ATP2C2: variants seen among roughly 807,000 people sequenced by gnomAD.
ATP2C2 encodes the protein calcium-transporting ATPase type 2C member 2.
Under a neutral mutation model 110.8 loss-of-function variants are expected in ATP2C2, and 171 were observed. The ratio of observed to expected loss-of-function variants is 1.54; its 90% CI spans 1.36 to 1.75. The LOEUF is 1.75. ATP2C2 is among the 40% of genes most tolerant of loss of function. The pLI, the probability that ATP2C2 is intolerant of heterozygous loss-of-function variation, is 0.00. For missense variants in ATP2C2, 1,963 were observed against 1,235.0 expected (o/e 1.59, Z -8.84); for synonymous variants, 804 against 508.4 (o/e 1.58, Z -7.82).
In ATP2C2 at chr16:84,376,678, C is replaced by T. The variant is rs543857622; in HGVS notation, c.99+7964C>T. Among the ~76,000 whole-genome samples the T allele has an allele frequency of 1.1e-4, 16 of 152,264 alleles. No individual in the cohort carries two copies. The East Asian group carries it at 1.9e-3, about 18-fold the overall frequency. On this transcript the variant is annotated intron_variant, in intron 1 of 26. Transcript: ENST00000262429. ...GTAGACCCTGCCAGGTATCCCCCAT[C>T]GGGGAGGACAGTCATGGCCGCTGGG...
intron 21 of ATP2C2, among the ~76,000 whole-genome samples, chr16:84,456,213 C>T (rs926688371): frequency 1.5e-5 from 2 of 135,954 alleles, no homozygotes; most frequent in African/African-American, 5.5e-5. Context: ...GTACCAGTTC[C>T]TCCTTGTACC....
chr16:84,441,477 G>C (rs1010372673), intron 14 of ATP2C2, among the ~76,000 whole-genome samples: 1 of 152,088 alleles, frequency 6.6e-6, no homozygotes, highest in African/African-American at 2.4e-5. Context: ...GGTCCGAGCT[G>C]TACTCACCCT....
rs369048624 is a variant in ATP2C2, at chr16:84,439,566, G to T, written c.1209+42G>T. ...TTTACAAGCCTTAAGGATGCACCCA[G>T]CCAGGCTGTCTCCTTTCTAAACTAA... On this transcript the variant is annotated intron_variant, in intron 13 of 26. Transcript: ENST00000262429. 7 of 1,568,604 alleles carry T rather than the reference G, an allele frequency of 4.5e-6. No homozygotes were observed. In the Admixed American group the frequency reaches 5.0e-5, roughly 11 times the overall value.
intron 15 of ATP2C2, among the ~76,000 whole-genome samples, chr16:84,443,837 G>A (rs774245247): frequency 5.3e-5 from 8 of 152,102 alleles, no homozygotes; most frequent in Non-Finnish European, 1.0e-4. Flanking sequence ...ATAAGCCCCC[G>A]TGTTGGTAGA....
At chr16:84,370,911 C>G (rs1422531671) in intron 1 of ATP2C2, among the ~76,000 whole-genome samples, 2 of 152,158 alleles carry the variant, frequency 1.3e-5, no homozygotes, top group African/African-American at 2.4e-5. Context: ...GTAAATTTTA[C>G]TCTCGTCATG....
At chr16:84,441,201 G>C (rs1294589168) in intron 14 of ATP2C2, among the ~76,000 whole-genome samples, 1 of 152,182 alleles carries the variant, frequency 6.6e-6, no homozygotes, top group African/African-American at 2.4e-5. Context: ...GGGAGGCCAA[G>C]GCAGGAGAAT....
At chr16:84,377,056 A>G (rs1043370982) in intron 1 of ATP2C2, among the ~76,000 whole-genome samples, 3 of 152,236 alleles carry the variant, frequency 2.0e-5, no homozygotes, top group African/African-American at 7.2e-5. Context: ...CATGATGGTG[A>G]TAAGAACATG....
chr16:84,423,657 T>C (rs11864982), intron 10 of ATP2C2, among the ~76,000 whole-genome samples: 40,188 of 152,084 alleles, frequency 0.26, 5,499 homozygotes, highest in African/African-American at 0.29. Flanking sequence ...AGCCAGCAGA[T>C]GGTGAAAGAG....
chr16:84,406,901 A>G (rs945357638), intron 3 of ATP2C2, among the ~76,000 whole-genome samples: 1 of 152,046 alleles, frequency 6.6e-6, no homozygotes, highest in Non-Finnish European at 1.5e-5. Context: ...CACCGTGAAC[A>G]TCTTCCTTCT....
chr16:84,439,614 C>A (rs978597199), intron 13 of ATP2C2, 90 bp downstream of exon 13: 4 of 1,226,688 alleles, frequency 3.3e-6, no homozygotes, highest in African/African-American at 3.0e-5. Flanking sequence ...TTCTAGAACA[C>A]AATAAGGAAG....
chr16:84,442,034 G>A (rs1358111047), intron 14 of ATP2C2, among the ~76,000 whole-genome samples: 1 of 152,206 alleles, frequency 6.6e-6, no homozygotes, highest in Non-Finnish European at 1.5e-5. Flanking sequence ...AGGCCGGGAA[G>A]GAAGAGCGCT....
chr16:84,437,222 C>T (rs1466852178), intron 11 of ATP2C2, among the ~76,000 whole-genome samples: 8 of 152,114 alleles, frequency 5.3e-5, no homozygotes, highest in Non-Finnish European at 1.5e-5. Flanking sequence ...GGGTCTCACT[C>T]TGCTACATAG....
At chr16:84,424,888 GGAGT>G (rs1907674286) in intron 10 of ATP2C2, among the ~76,000 whole-genome samples, 1 of 152,142 alleles carries the variant, frequency 6.6e-6, no homozygotes, top group South Asian at 2.1e-4. Flanking sequence ...CCACAAGGGT[GGAGT>G]GAGTACCTAG....
chr16:84,390,943 G>A lies in ATP2C2; in HGVS notation c.100-7556G>A, dbSNP rs889409963. Among the ~76,000 whole-genome samples the A allele has an allele frequency of 8.6e-5, 13 of 151,954 alleles. 1 individual carries two copies. The South Asian group carries it at 1.7e-3, about 19-fold the overall frequency. On this transcript the variant is annotated intron_variant, in intron 1 of 26. Transcript: ENST00000262429. ...AGCCCGGCCAACATGTTCAAACCCC[G>A]TCTCTACTAAAAATACAAAAATTAG...
intron 23 of ATP2C2, chr16:84,460,386 G>A: frequency 1.9e-6 from 1 of 532,428 alleles, no homozygotes; most frequent in Non-Finnish European, 3.4e-6. Context: ...TCATCTGGGT[G>A]TATGGAACTG....
chr16:84,450,910 G>A (rs1390332604), intron 17 of ATP2C2, among the ~76,000 whole-genome samples: 4 of 152,086 alleles, frequency 2.6e-5, no homozygotes, highest in Admixed American at 6.5e-5. Context: ...TGTTAGAAAC[G>A]TCCCATCCTG....
At chr16:84,377,135 C>T (rs1022932310) in intron 1 of ATP2C2, among the ~76,000 whole-genome samples, 12 of 150,942 alleles carry the variant, frequency 8.0e-5, no homozygotes, top group Non-Finnish European at 1.5e-4. Context: ...TAAGTCTCAG[C>T]GAGTAGTGGA....
At chr16:84,434,886 T>G (rs188042421) in intron 11 of ATP2C2, among the ~76,000 whole-genome samples, 110 of 152,352 alleles carry the variant, frequency 7.2e-4, no homozygotes, top group African/African-American at 2.5e-3. Flanking sequence ...AATACAAAGA[T>G]GCCCTTCCCC....
chr16:84,451,344 G>C (rs1910242113), intron 17 of ATP2C2, among the ~76,000 whole-genome samples: 1 of 152,150 alleles, frequency 6.6e-6, no homozygotes, highest in Non-Finnish European at 1.5e-5. Flanking sequence ...TGAGATTTGG[G>C]TGGGGACACA....
Sources: allele counts gnomAD v4.1 joint callset (sites outside exome capture counted in the v4.1 genomes callset), GRCh38; gene constraint gnomAD v4.1.1; transcripts MANE v1.5; gene names NCBI Gene and HGNC (gene_info 2026-07-23, HGNC 2026-07-21).